The following WNT7B variants were observed in gnomAD, a reference collection of about 807,000 sequenced individuals.
WNT7B encodes the protein Wnt family member 7B, also known as protein Wnt-7b.
In WNT7B, 19 loss-of-function variants were observed where a neutral mutation model predicts 38.2. The observed-to-expected ratio is 0.50, with a 90% CI of 0.35 to 0.73. WNT7B has a LOEUF of 0.73. Among genes scored for constraint, WNT7B ranks in the 30% least tolerant of loss-of-function variants. The probability of loss-of-function intolerance (pLI) is 0.01; values close to 1 mark genes in which losing one functional copy is unlikely to be tolerated. For missense variants in WNT7B, 423 were observed against 507.9 expected (o/e 0.83, Z 1.61); for synonymous variants, 243 against 209.3 (o/e 1.16, Z -1.39).
rs1931235842 is a variant in WNT7B at position 45,929,623 on chromosome 22, TCC to T, written c.570+1473_570+1474del. ...ATCCATCCACCTGCCCATACACCCA[TCC>T]TTCCATCCATGCATCCACTCATCCA... On this transcript the variant is annotated intron_variant, in intron 3 of 3. Transcript: ENST00000339464. Among the ~76,000 whole-genome samples the T allele has an allele frequency of 6.9e-5, 8 of 115,600 alleles. No homozygotes were observed. The South Asian group carries it at 1.6e-3, about 24-fold the overall frequency. 75.8% of individuals were successfully genotyped at this position (115,600 alleles called of 152,430 possible). A position where few individuals can be genotyped will look rare whatever the true frequency, so the allele number is the denominator to read the frequency against.
intron 1 of WNT7B, among the ~76,000 whole-genome samples, chr22:45,950,525 G>A (rs1286719862): frequency 1.3e-5 from 2 of 152,258 alleles, no homozygotes; most frequent in African/African-American, 4.8e-5. Flanking sequence ...TGTCTGCGCT[G>A]TCTCTAAGCG....
intron 3 of WNT7B, 44 bp downstream of exon 3, chr22:45,931,054 A>G: frequency 6.6e-7 from 1 of 1,523,638 alleles, no homozygotes. Context: ...CGGGTGATAC[A>G]GCGGTCCCAG....
chr22:45,948,972 C>T (rs752163528), intron 2 of WNT7B, among the ~76,000 whole-genome samples: 1 of 151,758 alleles, frequency 6.6e-6, no homozygotes, highest in Non-Finnish European at 1.5e-5. Flanking sequence ...CTTCAGCCTC[C>T]CAAGTAGCTG....
Position 45,932,640 on chromosome 22 carries a change from C to G in WNT7B, c.299-1271G>C, listed in dbSNP as rs545782323. ...TGGCTCTGGACTCTTGGGTCCCTCT[C>G]AACCTGCCCCTGGCTGAGTCCATGT... is the stretch of plus-strand genomic sequence containing the variant. On this transcript the variant is annotated intron_variant, in intron 2 of 3. Transcript: ENST00000339464. Among the ~76,000 whole-genome samples the G allele has an allele frequency of 2.6e-4, 40 of 152,334 alleles. 1 individual carries two copies. The Middle Eastern group carries it at 0.014, about 52-fold the overall frequency.
rs1368393592 is a variant in WNT7B at position 45,928,771 on chromosome 22, C to T, written c.570+2327G>A. On this transcript the variant is annotated intron_variant, in intron 3 of 3. Coordinates refer to ENST00000339464, the MANE Select transcript of WNT7B (RefSeq NM_058238.3). ...CCCTGGTCCCTGAGTTGGTCAGTGTCACTGCCCCAGGGCCCTGCAATGGCA... is the reference window on the plus strand; with the variant it reads ...CCCTGGTCCCTGAGTTGGTCAGTGTTACTGCCCCAGGGCCCTGCAATGGCA... Among the ~76,000 whole-genome samples the T allele has an allele frequency of 3.9e-5, 6 of 152,330 alleles. No individual in the cohort carries two copies. The South Asian group carries it at 1.2e-3, about 32-fold the overall frequency.
At chr22:45,957,703 A>AAAAAAAAAAAAAAC (rs1569122268) in intron 1 of WNT7B, among the ~76,000 whole-genome samples, 1 of 146,102 alleles carries the variant, frequency 6.8e-6, no homozygotes, top group African/African-American at 2.6e-5. Flanking sequence ...AAAAAAAAAA[A>AAAAAAAAAAAAAAC]AAAAAAAAAC....
chr22:45,925,454 G>T (rs555471466), intron 3 of WNT7B: 62 of 985,302 alleles, frequency 6.3e-5, no homozygotes, highest in Non-Finnish European at 7.5e-5. Flanking sequence ...TGAGAAGAGG[G>T]CGGGGCAGCT....
chr22:45,930,520 T>G (rs977539302), intron 3 of WNT7B, among the ~76,000 whole-genome samples: 4 of 152,178 alleles, frequency 2.6e-5, no homozygotes, highest in Non-Finnish European at 5.9e-5. Context: ...CCCGGCTTGC[T>G]CTGACTTCTT....
At chr22:45,936,908 C>T (rs1162568078) in intron 2 of WNT7B, among the ~76,000 whole-genome samples, 1 of 152,246 alleles carries the variant, frequency 6.6e-6, no homozygotes, top group African/African-American at 2.4e-5. Context: ...TGAGTCCACC[C>T]TCCCAGCCGC....
chr22:45,961,388 G>C (rs1057002275), intron 1 of WNT7B, among the ~76,000 whole-genome samples: 1 of 152,188 alleles, frequency 6.6e-6, no homozygotes, highest in Non-Finnish European at 1.5e-5. Context: ...ACACCTGTGG[G>C]GGAGGGACAG....
At chr22:45,927,951 C>G (rs1279400144) in intron 3 of WNT7B, among the ~76,000 whole-genome samples, 1 of 152,234 alleles carries the variant, frequency 6.6e-6, no homozygotes, top group Non-Finnish European at 1.5e-5. Flanking sequence ...CTGGTGAAGA[C>G]AGGCAGGGGC....
chr22:45,953,068 C>T (rs377349143), intron 1 of WNT7B, among the ~76,000 whole-genome samples: 4 of 152,330 alleles, frequency 2.6e-5, no homozygotes, highest in South Asian at 2.1e-4. Flanking sequence ...TGAGGGGGAG[C>T]GCGGTGGGCA....
rs1323982319 is a variant in WNT7B at position 45,965,069 on chromosome 22, C to G, written c.71+11615G>C. 6.6e-6 allele frequency among the ~76,000 whole-genome samples: 1 copy of G among 152,132 alleles called. No homozygotes were observed. The highest frequency in any genetic ancestry group is 1.5e-5 in the Non-Finnish European group (1 of 68,014). ...CCAGACCCGAGATCACTGCCTCCGG[C>G]CCCGCCCCCACCTCACCTTCCCCTG... On this transcript the variant is annotated intron_variant, in intron 1 of 3. Coordinates refer to ENST00000339464, the MANE Select transcript of WNT7B (RefSeq NM_058238.3). The surrounding 1 kb of genome is among the most constrained non-coding windows in gnomAD (Gnocchi z 6.5).
chr22:45,932,416 A>ACCC (rs35323637), intron 2 of WNT7B, among the ~76,000 whole-genome samples: 4,764 of 142,370 alleles, frequency 0.033, 70 homozygotes, highest in Middle Eastern at 0.13. Context: ...GCCTTCCCAG[A>ACCC]CCCCCCCCGC....
In WNT7B at chr22:45,965,249, T is replaced by C. The variant is rs1012127974; in HGVS notation, c.71+11435A>G. Among the ~76,000 whole-genome samples the C allele has an allele frequency of 6.6e-6, 1 of 152,192 alleles. No individual in the cohort carries two copies. The highest frequency in any genetic ancestry group is 1.5e-5 in the Non-Finnish European group (1 of 68,042). The stretch of plus-strand genomic sequence containing the variant: ...GGGCCGAGGTCAGAGGCTGCCTTAC[T>C]TGAGAGGTCTTCCCTGGGCCACCCT... On this transcript the variant is annotated intron_variant, in intron 1 of 3. Coordinates refer to ENST00000339464, the MANE Select transcript of WNT7B (RefSeq NM_058238.3). This position sits in a 1 kb window ranked among gnomAD's most constrained non-coding sequence, Gnocchi z 6.5.
chr22:45,930,397 C>T (rs117084043), intron 3 of WNT7B, among the ~76,000 whole-genome samples: 5,617 of 152,352 alleles, frequency 0.037, 259 homozygotes, highest in Admixed American at 0.14. Flanking sequence ...GCCTCGGAGC[C>T]GGAGCCGGCT....
intron 2 of WNT7B, among the ~76,000 whole-genome samples, chr22:45,935,328 G>C (rs879320385): frequency 4.6e-5 from 7 of 152,204 alleles, no homozygotes; most frequent in Non-Finnish European, 8.8e-5. Flanking sequence ...GGCCCCAGAG[G>C]CCTGACCCCA....
chr22:45,922,678 C>G lies in WNT7B; in HGVS notation c.*178G>C. The G allele has an allele frequency of 9.8e-7, 1 of 1,025,418 alleles. No individual in the cohort carries two copies. The highest frequency in any genetic ancestry group is 1.4e-6 in the Non-Finnish European group (1 of 727,958). The allele number at this position is 1,025,418 out of a possible 1,614,324, so 63.5% of individuals were successfully genotyped here. A position where few individuals can be genotyped will look rare whatever the true frequency, so the allele number is the denominator to read the frequency against. On this transcript the variant is annotated 3_prime_UTR_variant, in exon 4 of 4. Coordinates refer to ENST00000339464, the MANE Select transcript of WNT7B (RefSeq NM_058238.3). ...GATGGGAGGAGGTGGCAGGAAGGAG[C>G]CCCAGGGAGGCGGGCAGAGGGCGTG...
At chr22:45,967,279 G>A (rs958363259) in intron 1 of WNT7B, among the ~76,000 whole-genome samples, 11 of 152,074 alleles carry the variant, frequency 7.2e-5, no homozygotes, top group Non-Finnish European at 1.2e-4. Flanking sequence ...AAGGGAGGGC[G>A]CCCGGCCTCC....
Sources: gnomAD v4.1 joint callset for allele counts (sites outside exome capture counted in the v4.1 genomes callset) on GRCh38, gnomAD v4.1.1 for gene constraint, Gnocchi (gnomAD v3.1) non-coding constraint, MANE v1.5 for transcripts, NCBI Gene and HGNC (gene_info 2026-07-23, HGNC 2026-07-21) for gene names.